TENM2: variants seen among roughly 807,000 people sequenced by gnomAD.
The protein encoded by TENM2 is teneurin transmembrane protein 2.
A neutral mutation model predicts 245.2 loss-of-function variants in TENM2; 52 were observed. That is an observed-to-expected ratio of 0.21 (90% confidence interval 0.17 to 0.27). TENM2 has a LOEUF of 0.27. Ranked by LOEUF, TENM2 falls within the 10% of genes least tolerant of loss-of-function variation. The pLI is 1.00. For synonymous variants in TENM2, 1,363 were observed against 1,438.9 expected, an observed-to-expected ratio of 0.95 and a Z score of 1.19; for missense variants, 3,046 against 3,666.8, an observed-to-expected ratio of 0.83 and a Z score of 4.37.
intron 2 of TENM2, among the ~76,000 whole-genome samples, chr5:167,749,410 C>T (rs1212215851): frequency 1.3e-5 from 2 of 152,126 alleles, no homozygotes; most frequent in South Asian, 2.1e-4. Context: ...GAGGCCGAAG[C>T]GGGCAGATCA....
the TENM2 span, among the ~76,000 whole-genome samples, chr5:167,219,211 G>T: frequency 1.1e-4 from 16 of 152,076 alleles, no homozygotes; most frequent in African/African-American, 3.9e-4. Context: ...GAGATGGGAG[G>T]ATCACTTGAG....
exon 17 of TENM2, chr5:168,200,123 A>C: frequency 6.2e-7 from 1 of 1,612,704 alleles, no homozygotes; most frequent in South Asian, 1.1e-5. Flanking sequence ...GGACTCTCAG[A>C]TGCTGTTGGT....
At chr5:167,397,524 A>G (rs1301080427) in intron 2 of TENM2, among the ~76,000 whole-genome samples, 2 of 152,172 alleles carry the variant, frequency 1.3e-5, no homozygotes, top group African/African-American at 4.8e-5. Context: ...ATGATTCAAT[A>G]TAAAACTGAC....
At chr5:167,679,329 A>G (rs1374928584) in intron 2 of TENM2, among the ~76,000 whole-genome samples, 1 of 152,180 alleles carries the variant, frequency 6.6e-6, no homozygotes, top group African/African-American at 2.4e-5. Flanking sequence ...AATGATAAAA[A>G]TAAAGTAGGT....
intron 1 of TENM2, among the ~76,000 whole-genome samples, chr5:167,326,266 G>C (rs1324421355): frequency 6.6e-6 from 1 of 152,158 alleles, no homozygotes; most frequent in African/African-American, 2.4e-5. Flanking sequence ...AATTTACTAT[G>C]TTTTGATATT....
the TENM2 span, among the ~76,000 whole-genome samples, chr5:167,235,893 C>T: frequency 6.6e-6 from 1 of 152,174 alleles, no homozygotes; most frequent in African/African-American, 2.4e-5. Context: ...GAATGAATCT[C>T]ATGGATAAAG....
the TENM2 span, among the ~76,000 whole-genome samples, chr5:167,113,352 T>C: frequency 6.6e-6 from 1 of 151,958 alleles, no homozygotes; most frequent in South Asian, 2.1e-4. Context: ...TTTTAAAACG[T>C]TTAATAAGGT....
At chr5:167,383,301 G>C in intron 2 of TENM2, among the ~76,000 whole-genome samples, 1 of 152,150 alleles carries the variant, frequency 6.6e-6, no homozygotes, top group Non-Finnish European at 1.5e-5. Flanking sequence ...AGAGAAACCT[G>C]TGTTGACCTT....
At chr5:168,164,478 G>A (rs770402508) in intron 13 of TENM2, among the ~76,000 whole-genome samples, 12 of 151,880 alleles carry the variant, frequency 7.9e-5, no homozygotes, top group African/African-American at 2.9e-4. Context: ...TTTGGCCTAG[G>A]GCTGCTTGCA....
At chr5:167,666,341 C>G (rs1001597553) in intron 2 of TENM2, among the ~76,000 whole-genome samples, 4 of 152,094 alleles carry the variant, frequency 2.6e-5, no homozygotes, top group Admixed American at 1.3e-4. Context: ...AGTCTCAACC[C>G]CAAACGAAGT....
intron 2 of TENM2, among the ~76,000 whole-genome samples, chr5:167,399,892 G>A (rs143880892): frequency 6.6e-6 from 1 of 152,226 alleles, no homozygotes; most frequent in Non-Finnish European, 1.5e-5. Context: ...AAACAGAATA[G>A]ATCACATCTT....
exon 29 of TENM2, chr5:168,262,694 G>A (rs747074526): frequency 2.1e-5 from 34 of 1,610,258 alleles, no homozygotes; most frequent in East Asian, 4.5e-5. Context: ...TCTGAGCACC[G>A]GGCGCGTGCA....
the TENM2 span, among the ~76,000 whole-genome samples, chr5:167,193,897 T>A: frequency 6.6e-6 from 1 of 152,100 alleles, no homozygotes; most frequent in African/African-American, 2.4e-5. Context: ...CACCATTCTT[T>A]GTCTCAGCAA....
chr5:167,559,239 C>G (rs1773439554), intron 2 of TENM2, among the ~76,000 whole-genome samples: 1 of 152,186 alleles, frequency 6.6e-6, no homozygotes, highest in African/African-American at 2.4e-5. Context: ...TGGTCCATCT[C>G]TACATCCCAG....
intron 19 of TENM2, among the ~76,000 whole-genome samples, chr5:168,210,612 C>CTT (rs34472788): frequency 2.8e-5 from 4 of 143,144 alleles, no homozygotes; most frequent in African/African-American, 2.6e-5. Context: ...ATTTAATTAA[C>CTT]TTTTTTTTTT....
intron 3 of TENM2, among the ~76,000 whole-genome samples, chr5:167,931,607 C>T (rs1463470225): frequency 1.3e-5 from 2 of 148,934 alleles, no homozygotes; most frequent in Non-Finnish European, 3.0e-5. Context: ...GGTGGTGTAT[C>T]ATATGTTCCC....
rs550722418 is a variant in TENM2, at chr5:167,631,811, A to T, written c.503-244175A>T. On this transcript the variant is annotated intron_variant, in intron 2 of 28. Coordinates refer to ENST00000518659, the Ensembl canonical transcript of TENM2. ...CTCCCCACCCTCAGGCAAGGCTAGG[A>T]CACCTGCCACACACTCTCATAAATA... Among the ~76,000 whole-genome samples the T allele has an allele frequency of 4.8e-4, 73 of 152,238 alleles. 1 individual carries two copies. In the South Asian group the frequency reaches 0.015, roughly 32 times the overall value.
intron 2 of TENM2, among the ~76,000 whole-genome samples, chr5:167,669,464 A>G (rs916731540): frequency 5.9e-5 from 9 of 152,234 alleles, no homozygotes; most frequent in Non-Finnish European, 1.2e-4. Flanking sequence ...AAGACAGTTA[A>G]GATGGAGGAA....
At chr5:167,818,917 T>TG (rs897711911) in intron 2 of TENM2, among the ~76,000 whole-genome samples, 1 of 152,128 alleles carries the variant, frequency 6.6e-6, no homozygotes, top group African/African-American at 2.4e-5. Flanking sequence ...TAAAGGTTAG[T>TG]GGGCTGGATA....
Sources: allele counts gnomAD v4.1 joint callset (sites outside exome capture counted in the v4.1 genomes callset), GRCh38; gene constraint gnomAD v4.1.1; transcripts MANE v1.5; gene names NCBI Gene and HGNC (gene_info 2026-07-23, HGNC 2026-07-21).